The following FBXL5 variants were observed in gnomAD, a reference collection of about 807,000 sequenced individuals.
The protein encoded by FBXL5 is F-box/LRR-repeat protein 5.
A neutral mutation model predicts 78.3 loss-of-function variants in FBXL5; 26 were observed. The ratio of observed to expected loss-of-function variants is 0.33; its 90% confidence interval spans 0.24 to 0.46. The LOEUF (loss-of-function observed/expected upper bound fraction) is 0.46, where lower values mean the gene tolerates loss of function less well. FBXL5 is among the 20% of genes least tolerant of loss of function. The probability of loss-of-function intolerance (pLI) is 1.00; values close to 1 mark genes in which losing one functional copy is unlikely to be tolerated. For missense variants in FBXL5, 710 were observed against 829.2 expected, an observed-to-expected ratio of 0.86 and a Z score of 1.77; for synonymous variants, 295 against 282.5, an observed-to-expected ratio of 1.04 and a Z score of -0.45.
chr4:15,661,076 C>CA (rs370641382), upstream of FBXL5, among the ~76,000 whole-genome samples: 159 of 131,576 alleles, frequency 1.2e-3, no homozygotes, highest in Middle Eastern at 3.8e-3. Context: ...GGCTCCATTT[C>CA]AAAAAAAAAA....
chr4:15,623,554 A>G (rs1382694815), intron 9 of FBXL5, among the ~76,000 whole-genome samples: 1 of 152,208 alleles, frequency 6.6e-6, no homozygotes. Flanking sequence ...ATTGAACTAA[A>G]AATTGCTTTT....
chr4:15,664,761 G>C (rs1233860163), upstream of FBXL5, among the ~76,000 whole-genome samples: 5 of 151,618 alleles, frequency 3.3e-5, no homozygotes, highest in African/African-American at 1.2e-4. Flanking sequence ...GTTTCACCAT[G>C]TTGGCCAGGC....
chr4:15,644,811 TC>T, intron 1 of FBXL5, 103 bp from the exon 2 acceptor site: 1 of 717,482 alleles, frequency 1.4e-6, no homozygotes. Context: ...ACAGCATACT[TC>T]CCTTACACTT....
At chr4:15,615,674 T>C (rs923396627) in intron 9 of FBXL5, among the ~76,000 whole-genome samples, 1 of 150,342 alleles carries the variant, frequency 6.7e-6, no homozygotes, top group African/African-American at 2.5e-5. Context: ...GGTGGGGCCT[T>C]GGAGAACCTG....
Position 15,625,724 on chromosome 4 carries a change from C to T in FBXL5, c.1378G>A (p.Asp460Asn). The change falls in exon 9 of 11, where the codon GAT (aspartate) becomes AAT (asparagine). Residue 460 changes from aspartate (D) to asparagine (N), a missense_variant. By Grantham distance (23) the Asp-to-Asn change is conservative. Transcript: ENST00000341285. ...LTNKGIGEEI[D>N]NEHPWTKPVS... Reference sequence around the variant, plus strand: ...GGCTTAGTCCAGGGGTGTTCATTATCTATTTCTTCTCCAATGCCCTTGTTA... The same window carrying T: ...GGCTTAGTCCAGGGGTGTTCATTATTTATTTCTTCTCCAATGCCCTTGTTA... 1 of 1,614,204 alleles carries T rather than the reference C, an allele frequency of 6.2e-7. No homozygotes were observed. Among genetic ancestry groups the T allele is most frequent in the Middle Eastern group, 1.6e-4 (1 of 6,062 alleles).
chr4:15,649,745 G>A (rs1473691818), intron 1 of FBXL5, among the ~76,000 whole-genome samples: 1 of 151,876 alleles, frequency 6.6e-6, no homozygotes, highest in Non-Finnish European at 1.5e-5. Context: ...ACATACGGAA[G>A]GAAGCCAATG....
intron 1 of FBXL5, among the ~76,000 whole-genome samples, chr4:15,673,836 A>G (rs892476504): frequency 6.6e-6 from 1 of 152,176 alleles, no homozygotes; most frequent in Non-Finnish European, 1.5e-5. Context: ...ACTAGGCTGC[A>G]TATGTTCCCC....
intron 1 of FBXL5, among the ~76,000 whole-genome samples, chr4:15,647,403 T>A (rs563774412): frequency 7.9e-5 from 12 of 152,166 alleles, no homozygotes; most frequent in Admixed American, 5.9e-4. Flanking sequence ...AATACTATGC[T>A]ATTTTATCTG....
chr4:15,624,128 A>G (rs917850677), intron 9 of FBXL5, among the ~76,000 whole-genome samples: 3 of 152,124 alleles, frequency 2.0e-5, no homozygotes, highest in African/African-American at 7.2e-5. Context: ...CCGGCCTGTA[A>G]TAATTTCATA....
intron 5 of FBXL5, 35 bp from the exon 6 acceptor site, chr4:15,630,826 T>C (rs1713553589): frequency 6.3e-7 from 1 of 1,598,718 alleles, no homozygotes. Flanking sequence ...AGGTTCAAAA[T>C]AATATCAGAT....
chr4:15,636,751 A>G (rs2148624585), intron 4 of FBXL5, 75 bp from the exon 5 acceptor site: 1 of 1,130,196 alleles, frequency 8.8e-7, no homozygotes, highest in Non-Finnish European at 1.2e-6. Flanking sequence ...TTACATTTCT[A>G]TAAACAAAAT....
chr4:15,635,760 A>AG (rs1714186122), intron 5 of FBXL5, among the ~76,000 whole-genome samples: 1 of 133,332 alleles, frequency 7.5e-6, no homozygotes, highest in Admixed American at 7.7e-5. Flanking sequence ...CCTCAAAAAA[A>AG]GAAAAAAAAA....
At chr4:15,629,548 T>C (rs1713409279) in intron 6 of FBXL5, among the ~76,000 whole-genome samples, 1 of 152,154 alleles carries the variant, frequency 6.6e-6, no homozygotes, top group Non-Finnish European at 1.5e-5. Flanking sequence ...ATTGTTTGCC[T>C]CCTGTCTCTA....
chr4:15,605,756 A>C lies in FBXL5; in HGVS notation c.2043T>G (p.Cys681Trp), dbSNP rs773125072. 6.2e-7 allele frequency: 1 copy of C among 1,613,756 alleles called. No homozygotes were observed. Among genetic ancestry groups the C allele is most frequent in the East Asian group, 2.2e-5 (1 of 44,880 alleles). ...CAGAGCGGCAGCAGGCTCGAAAACC[A>C]CACTGCAAATTCTGGCATCCACTGG... Reference protein sequence around the residue: ...DTASGCQNLQCGFRACCRSGE With the variant: ...DTASGCQNLQWGFRACCRSGE The change falls in exon 11 of 11, where the codon TGT (cysteine) becomes TGG (tryptophan). Residue 681 changes from cysteine (C) to tryptophan (W), a missense_variant. Physicochemically the swap from Cys to Trp is radical, Grantham distance 215. Transcript: ENST00000341285.
intron 1 of FBXL5, among the ~76,000 whole-genome samples, chr4:15,675,572 ATTTTTTTTT>A (rs60660814): frequency 3.4e-4 from 33 of 96,704 alleles, no homozygotes; most frequent in Non-Finnish European, 4.5e-4. Context: ...CAAAACTCCT[ATTTTTTTTT>A]TTTTTTTTTT....
chr4:15,626,105 A>T, intron 8 of FBXL5, 128 bp from the exon 9 acceptor site: 1 of 853,698 alleles, frequency 1.2e-6, no homozygotes, highest in Non-Finnish European at 1.7e-6. Context: ...TATTTAGTGA[A>T]TTATCTATTG....
At chr4:15,667,029 G>T (rs1717576848) in intron 1 of FBXL5, among the ~76,000 whole-genome samples, 1 of 152,068 alleles carries the variant, frequency 6.6e-6, no homozygotes, top group Non-Finnish European at 1.5e-5. Context: ...AAAATTACTG[G>T]ATGTTGCATA....
At chr4:15,640,192 C>T (rs556621266) in intron 3 of FBXL5, among the ~76,000 whole-genome samples, 1 of 152,102 alleles carries the variant, frequency 6.6e-6, no homozygotes, top group East Asian at 1.9e-4. Flanking sequence ...AGGCACATGC[C>T]ACCATGCCCA....
At chr4:15,666,027 A>ATTT (rs1560250201) in intron 1 of FBXL5, among the ~76,000 whole-genome samples, 3 of 151,886 alleles carry the variant, frequency 2.0e-5, no homozygotes, top group African/African-American at 7.3e-5. Context: ...TTTTTTTAAA[A>ATTT]AAAAAAAAAT....
Sources: gnomAD v4.1 joint callset for allele counts (sites outside exome capture counted in the v4.1 genomes callset) on GRCh38, gnomAD v4.1.1 for gene constraint, MANE v1.5 for transcripts, NCBI Gene and HGNC (gene_info 2026-07-23, HGNC 2026-07-21) for gene names.